EHMT1: variants seen among roughly 807,000 people sequenced by gnomAD.
EHMT1 encodes histone-lysine N-methyltransferase EHMT1.
A neutral mutation model predicts 147.2 loss-of-function variants in EHMT1; 15 were observed. That is an observed-to-expected ratio of 0.10 (90% CI 0.07 to 0.16). The LOEUF (loss-of-function observed/expected upper bound fraction) is 0.16, where lower values mean the gene tolerates loss of function less well. EHMT1 is among the 10% of genes least tolerant of loss of function. EHMT1 has a pLI of 1.00. For synonymous variants in EHMT1, 795 were observed against 709.6 expected (o/e 1.12, Z -1.91); for missense variants, 1,587 against 1,772.4 (o/e 0.90, Z 1.88).
Position 137,717,625 on chromosome 9 carries a change from AAG to A in EHMT1, c.642+447_642+448del, listed in dbSNP as rs1395708921. Among the ~76,000 whole-genome samples, 6 of 143,832 alleles carry A rather than the reference AAG, an allele frequency of 4.2e-5. No individual in the cohort carries two copies. The South Asian group carries it at 8.4e-4, about 20-fold the overall frequency. The allele number at this position is 143,832 out of a possible 152,430, so 94.4% of individuals were successfully genotyped here. ...TGTCTCAAAAAAAAAAAAAAAAAAA[AAG>A]AGATGCTGCTAATGCCTTGTGCGTG... is the stretch of plus-strand genomic sequence containing the variant. On this transcript the variant is annotated intron_variant, in intron 3 of 26. Coordinates refer to ENST00000460843, the MANE Select transcript of EHMT1 (RefSeq NM_024757.5).
chr9:137,630,149 G>C (rs1843535878), intron 1 of EHMT1, among the ~76,000 whole-genome samples: 1 of 152,162 alleles, frequency 6.6e-6, no homozygotes, highest in African/African-American at 2.4e-5. Context: ...AGTTGTAATA[G>C]GCTGGTTCTG....
At chr9:137,723,895 G>A (rs564070645) in intron 3 of EHMT1, among the ~76,000 whole-genome samples, 13 of 152,348 alleles carry the variant, frequency 8.5e-5, no homozygotes, top group African/African-American at 1.7e-4. Context: ...TGTATCCAGC[G>A]TTAATCCCCA....
At chr9:137,679,404 G>A (rs1056379521) in intron 1 of EHMT1, among the ~76,000 whole-genome samples, 2 of 152,140 alleles carry the variant, frequency 1.3e-5, no homozygotes, top group African/African-American at 4.8e-5. Context: ...TACATCTCGG[G>A]TGGTCCTCAG....
intron 1 of EHMT1, among the ~76,000 whole-genome samples, chr9:137,659,101 A>G (rs1938793437): frequency 6.6e-6 from 1 of 152,148 alleles, no homozygotes; most frequent in African/African-American, 2.4e-5. Flanking sequence ...AATGTTGAAC[A>G]TCTAAATACA....
In EHMT1 at chr9:137,813,413, C is replaced by A. The variant is rs779853350; in HGVS notation, c.3063C>A (p.Ile1021=). 2.5e-6 allele frequency: 4 copies of A among 1,613,192 alleles called. No individual in the cohort carries two copies. The East Asian group carries it at 8.9e-5, about 36-fold the overall frequency. ...SRDIARGYER[I]PIPCVNAVDS... ...ACATCGCTCGAGGCTACGAGCGCAT[C>A]CCCATCCCCTGTGTCAACGCCGTGG... The change falls in exon 21 of 27, where the codon ATC becomes ATA. Residue 1021 remains isoleucine (I), a synonymous_variant. Transcript: ENST00000460843. This position sits in a 1 kb window ranked among gnomAD's most constrained non-coding sequence, Gnocchi z 4.9.
chr9:137,690,578 TA>T (rs1165568032), intron 1 of EHMT1, among the ~76,000 whole-genome samples: 1 of 152,118 alleles, frequency 6.6e-6, no homozygotes, highest in African/African-American at 2.4e-5. Flanking sequence ...TATTTTATTT[TA>T]TTTTTTTTGA....
intron 9 of EHMT1, among the ~76,000 whole-genome samples, chr9:137,758,226 C>G (rs1484085658): frequency 6.6e-6 from 1 of 152,244 alleles, no homozygotes. Flanking sequence ...CTCTAAGAGT[C>G]AACTGGCGAA....
At chr9:137,718,967 G>T (rs1358722528) in intron 3 of EHMT1, among the ~76,000 whole-genome samples, 1 of 151,978 alleles carries the variant, frequency 6.6e-6, no homozygotes, top group Non-Finnish European at 1.5e-5. Flanking sequence ...TGTTGGCCAG[G>T]CTGTTCTTGA....
At chr9:137,709,917 G>A (rs979641093) in intron 1 of EHMT1, among the ~76,000 whole-genome samples, 2 of 152,240 alleles carry the variant, frequency 1.3e-5, no homozygotes, top group South Asian at 4.1e-4. Flanking sequence ...ATCACCAGGT[G>A]TGGGTGTCAG....
At chr9:137,646,435 G>C (rs1844888976) in intron 1 of EHMT1, 1 of 985,528 alleles carries the variant, frequency 1.0e-6, no homozygotes, top group Non-Finnish European at 1.2e-6. Context: ...CAATGGGCTG[G>C]AAAGTAAGAG....
At chr9:137,833,973 C>A (rs1230964766) in intron 25 of EHMT1, 2 of 302,730 alleles carry the variant, frequency 6.6e-6, no homozygotes, top group Non-Finnish European at 1.3e-5. Context: ...TCACGGGGCT[C>A]TTGCAGCCCC....
chr9:137,751,055 C>G (rs1018356675), intron 6 of EHMT1, among the ~76,000 whole-genome samples: 42 of 152,220 alleles, frequency 2.8e-4, no homozygotes, highest in Admixed American at 1.3e-4. Flanking sequence ...GAACCGTACA[C>G]TTTGCAGGGT....
intron 1 of EHMT1, among the ~76,000 whole-genome samples, chr9:137,627,569 C>T (rs930328633): frequency 7.7e-5 from 11 of 143,640 alleles, no homozygotes; most frequent in African/African-American, 3.2e-4. Context: ...CCGTGATTTG[C>T]CCACCTCAGC....
intron 25 of EHMT1, among the ~76,000 whole-genome samples, chr9:137,822,958 T>C (rs1473687983): frequency 1.1e-4 from 16 of 151,890 alleles, no homozygotes; most frequent in South Asian, 4.1e-4. Context: ...GAGATGGAGT[T>C]TCGCTCTTGT....
rs1953194118 is a variant in EHMT1, at chr9:137,798,919, AG to A, written c.2607+6del. Reference sequence around the variant, plus strand: ...CAGATGGACGTCAACTGTCAGGTACAGCCACCCCCTCCCCTTAGCAGTACAC... The same window carrying A: ...CAGATGGACGTCAACTGTCAGGTACACCACCCCCTCCCCTTAGCAGTACAC... On this transcript the variant is annotated splice_donor_region_variant and intron_variant, in intron 17 of 26. Coordinates refer to ENST00000460843, the MANE Select transcript of EHMT1 (RefSeq NM_024757.5). The A allele has an allele frequency of 5.6e-6, 9 of 1,609,208 alleles. No homozygotes were observed. Among genetic ancestry groups the A allele is most frequent in the Non-Finnish European group, 7.7e-6 (9 of 1,175,682 alleles).
chr9:137,834,206 C>A, intron 25 of EHMT1, 143 bp from the exon 26 acceptor site: 1 of 1,107,036 alleles, frequency 9.0e-7, no homozygotes, highest in Non-Finnish European at 1.3e-6. Context: ...ACCGCCGCCA[C>A]AGGTCACTGG....
At chr9:137,721,472 C>T (rs1946027286) in intron 3 of EHMT1, among the ~76,000 whole-genome samples, 1 of 58,800 alleles carries the variant, frequency 1.7e-5, no homozygotes, top group African/African-American at 8.8e-5. Context: ...CCACGCCTCT[C>T]ACCCTCTCCC....
chr9:137,733,761 T>TG (rs1947310402), intron 4 of EHMT1, among the ~76,000 whole-genome samples: 3 of 152,206 alleles, frequency 2.0e-5, no homozygotes, highest in Non-Finnish European at 2.9e-5. Context: ...CCCACTTCAT[T>TG]TTTATTGTTT....
chr9:137,795,674 C>A (rs573246057), intron 16 of EHMT1, among the ~76,000 whole-genome samples: 1 of 151,956 alleles, frequency 6.6e-6, no homozygotes, highest in African/African-American at 2.4e-5. Context: ...AACAAAACAA[C>A]GCTGAATGAA....
Sources: allele counts gnomAD v4.1 joint callset (sites outside exome capture counted in the v4.1 genomes callset), GRCh38; gene constraint gnomAD v4.1.1; non-coding constraint Gnocchi (gnomAD v3.1); transcripts MANE v1.5; gene names NCBI Gene and HGNC (gene_info 2026-07-23, HGNC 2026-07-21).